Variants in MELK observed in about 807,000 individuals in gnomAD.
MELK encodes the protein pEg3 kinase.
In MELK, 81 loss-of-function variants were observed where a neutral mutation model predicts 85.0. The ratio of observed to expected loss-of-function variants is 0.95; its 90% confidence interval spans 0.80 to 1.15. The LOEUF (loss-of-function observed/expected upper bound fraction) is 1.15. Among genes scored for constraint, MELK ranks in the 50% most tolerant of loss-of-function variants. MELK has a pLI of 0.00. For synonymous variants in MELK, 252 were observed against 265.0 expected (o/e 0.95, Z 0.48); for missense variants, 754 against 777.5 (o/e 0.97, Z 0.36).
chr9:36,651,775 T>C lies in MELK; in HGVS notation c.951T>C (p.Tyr317=), dbSNP rs1321196120. ...AGTATGATCACCTCACGGCTACCTA[T>C]CTTCTGCTTCTAGCCAAGAAGGCTC... ...LWQYDHLTAT[Y]LLLLAKKARG... is the part of the protein sequence containing the mutation. The change falls in exon 12 of 18, where the codon TAT becomes TAC. Residue 317 remains tyrosine (Y), a synonymous_variant. Coordinates refer to ENST00000298048, the MANE Select transcript of MELK (RefSeq NM_014791.4). 5.6e-6 allele frequency: 9 copies of C among 1,613,958 alleles called. No homozygotes were observed. Among genetic ancestry groups the C allele is most frequent in the Non-Finnish European group, 6.8e-6 (8 of 1,179,964 alleles).
chr9:36,667,969 A>G (rs1366806247), intron 14 of MELK, among the ~76,000 whole-genome samples: 3 of 152,088 alleles, frequency 2.0e-5, no homozygotes, highest in African/African-American at 7.2e-5. Flanking sequence ...GGGTTTCAAC[A>G]TGTTGGGCAG....
intron 11 of MELK, among the ~76,000 whole-genome samples, chr9:36,644,063 G>A (rs1323421098): frequency 1.3e-5 from 2 of 152,052 alleles, no homozygotes; most frequent in Non-Finnish European, 2.9e-5. Context: ...TAAACACAAA[G>A]CAATTTTCTT....
At chr9:36,578,994 C>CACCAG (rs1564114976) in intron 1 of MELK, among the ~76,000 whole-genome samples, 1 of 150,600 alleles carries the variant, frequency 6.6e-6, no homozygotes, top group African/African-American at 2.5e-5. Flanking sequence ...AGGCGCACAC[C>CACCAG]ACAAGGCCTG....
intron 4 of MELK, among the ~76,000 whole-genome samples, chr9:36,593,571 ATT>A (rs1009460861): frequency 5.1e-4 from 77 of 152,358 alleles, no homozygotes; most frequent in African/African-American, 1.7e-3. Flanking sequence ...AGCGTAAGGT[ATT>A]TTGTTATAGC....
rs775526863 is a variant in MELK, at chr9:36,581,637, C to A, written c.-38-7C>A. 1 of 1,345,394 alleles carries A rather than the reference C, an allele frequency of 7.4e-7. No individual in the cohort carries two copies. The highest frequency in any genetic ancestry group is 2.3e-5 in the East Asian group (1 of 43,306). The allele number at this position is 1,345,394 out of a possible 1,614,324, so 83.3% of individuals were successfully genotyped here. On this transcript the variant is annotated splice_region_variant and splice_polypyrimidine_tract_variant and intron_variant, in intron 1 of 17. Coordinates refer to ENST00000298048, the MANE Select transcript of MELK (RefSeq NM_014791.4). ...CCTTTATTGATTATGTACTCTCTGT[C>A]TTCTAGGTTCTTTTTCTAATTCCAA...
At chr9:36,669,490 G>A (rs1379973872) in intron 15 of MELK, 84 bp downstream of exon 15, 3 of 943,018 alleles carry the variant, frequency 3.2e-6, no homozygotes, top group East Asian at 5.3e-5. Flanking sequence ...CCTGATTAAG[G>A]TAAATCATCA....
intron 13 of MELK, 51 bp downstream of exon 13, chr9:36,657,414 A>G: frequency 6.5e-7 from 1 of 1,533,168 alleles, no homozygotes; most frequent in Non-Finnish European, 8.7e-7. Flanking sequence ...TTCAATTATA[A>G]AAACAACCAG....
At chr9:36,651,633 T>A (rs1830710382) in intron 11 of MELK, 113 bp from the exon 12 acceptor site, 1 of 1,267,470 alleles carries the variant, frequency 7.9e-7, no homozygotes, top group African/African-American at 1.5e-5. Flanking sequence ...TGTGTAAACC[T>A]ATTGGCTTTT....
intron 8 of MELK, among the ~76,000 whole-genome samples, chr9:36,613,834 A>G (rs1406631410): frequency 6.6e-6 from 1 of 152,152 alleles, no homozygotes; most frequent in Non-Finnish European, 1.5e-5. Flanking sequence ...TAGGAAAGGA[A>G]ACCTTGGGAA....
At chr9:36,576,449 T>A (rs1325333050) in intron 1 of MELK, among the ~76,000 whole-genome samples, 1 of 152,212 alleles carries the variant, frequency 6.6e-6, no homozygotes, top group Admixed American at 6.6e-5. Flanking sequence ...CCTTGTTTTT[T>A]AAAGCTGATT....
chr9:36,635,878 C>T (rs569089531), intron 10 of MELK, among the ~76,000 whole-genome samples: 3 of 150,552 alleles, frequency 2.0e-5, no homozygotes, highest in South Asian at 2.1e-4. Context: ...CTCACCACAA[C>T]CTCCGCCTCC....
intron 7 of MELK, among the ~76,000 whole-genome samples, chr9:36,605,408 C>T (rs988801605): frequency 6.6e-6 from 1 of 151,952 alleles, no homozygotes; most frequent in Non-Finnish European, 1.5e-5. Context: ...GGAGTTTTAC[C>T]ATGTTGACCA....
At chr9:36,581,566 T>A (rs943582811) in intron 1 of MELK, 78 bp from the exon 2 acceptor site, 1 of 752,906 alleles carries the variant, frequency 1.3e-6, no homozygotes, top group African/African-American at 1.8e-5. Context: ...TAAGACTTAT[T>A]TAGATTTGCA....
intron 11 of MELK, among the ~76,000 whole-genome samples, chr9:36,650,979 G>A (rs927099401): frequency 3.3e-5 from 5 of 152,176 alleles, no homozygotes. Flanking sequence ...AAAAACAAAG[G>A]TATAAAAAAA....
At chr9:36,674,570 C>G (rs1319573026) in intron 16 of MELK, among the ~76,000 whole-genome samples, 1 of 152,108 alleles carries the variant, frequency 6.6e-6, no homozygotes, top group South Asian at 2.1e-4. Context: ...ATATTTATTT[C>G]TTTAAAAGGA....
chr9:36,593,932 A>G (rs1587361791), intron 4 of MELK, among the ~76,000 whole-genome samples: 1 of 152,118 alleles, frequency 6.6e-6, no homozygotes, highest in Non-Finnish European at 1.5e-5. Flanking sequence ...TCGGCCTCCC[A>G]AAGTGCTGGG....
chr9:36,606,757 TA>T (rs964859645), intron 7 of MELK: 1 of 147,848 alleles, frequency 6.8e-6, no homozygotes, highest in African/African-American at 2.5e-5. Flanking sequence ...ATAATATATA[TA>T]ATAAATAATC....
intron 1 of MELK, among the ~76,000 whole-genome samples, chr9:36,580,213 A>C (rs1404964047): frequency 6.6e-6 from 1 of 151,810 alleles, no homozygotes; most frequent in African/African-American, 2.4e-5. Flanking sequence ...TAGCTTTAGC[A>C]GAGACAGGGT....
chr9:36,590,309 T>C (rs898232262), intron 4 of MELK, among the ~76,000 whole-genome samples: 4 of 152,164 alleles, frequency 2.6e-5, no homozygotes, highest in African/African-American at 9.7e-5. Context: ...AGAAACTCAT[T>C]GTCTGACAGT....
Sources: allele counts gnomAD v4.1 joint callset (sites outside exome capture counted in the v4.1 genomes callset), GRCh38; gene constraint gnomAD v4.1.1; transcripts MANE v1.5; gene names NCBI Gene and HGNC (gene_info 2026-07-23, HGNC 2026-07-21).